Variants in CADM2 observed in about 807,000 individuals in gnomAD.
The protein encoded by CADM2 is cell adhesion molecule 2, also known as immunoglobulin superfamily member 4D.
A neutral mutation model predicts 49.8 loss-of-function variants in CADM2; 12 were observed. That is an observed-to-expected ratio of 0.24 (90% confidence interval 0.15 to 0.39). The LOEUF (loss-of-function observed/expected upper bound fraction) is 0.39, where lower values mean the gene tolerates loss of function less well. Ranked by LOEUF, CADM2 falls within the 10% of genes least tolerant of loss-of-function variation. CADM2 has a pLI of 1.00. For missense variants in CADM2, 378 were observed against 492.3 expected (o/e 0.77, Z 2.20); for synonymous variants, 214 against 175.4 (o/e 1.22, Z -1.74).
intron 1 of CADM2, among the ~76,000 whole-genome samples, chr3:85,222,050 C>A (rs2042056281): frequency 6.6e-6 from 1 of 152,030 alleles, no homozygotes; most frequent in Admixed American, 6.6e-5. Flanking sequence ...GAATAATAGT[C>A]CATGAGATAA....
At chr3:85,975,156 C>T (rs1726620327) in intron 8 of CADM2, among the ~76,000 whole-genome samples, 1 of 151,302 alleles carries the variant, frequency 6.6e-6, no homozygotes, top group African/African-American at 2.4e-5. Flanking sequence ...TGTATGAATT[C>T]ATTTCATATC....
intron 1 of CADM2, among the ~76,000 whole-genome samples, chr3:85,354,624 G>GAGAGAGAGAGAGAGAGAGAGAGAA: frequency 6.7e-6 from 1 of 149,834 alleles, no homozygotes; most frequent in Non-Finnish European, 1.5e-5. Context: ...CTAACAGAGA[G>GAGAGAGAGAGAGAGAGAGAGAGAA]AGAGAGAGAG....
At chr3:85,492,408 A>G (rs1017118985) in intron 1 of CADM2, among the ~76,000 whole-genome samples, 16 of 152,130 alleles carry the variant, frequency 1.1e-4, no homozygotes, top group Non-Finnish European at 2.2e-4. Context: ...CCTACCCAAC[A>G]TGGTGAAACC....
intron 3 of CADM2, among the ~76,000 whole-genome samples, chr3:85,879,034 T>C (rs1354397107): frequency 6.6e-6 from 1 of 150,836 alleles, no homozygotes; most frequent in Non-Finnish European, 1.5e-5. Flanking sequence ...ATTTAGTATA[T>C]ATGTACACAT....
intron 1 of CADM2, among the ~76,000 whole-genome samples, chr3:85,616,802 G>A (rs988937485): frequency 1.3e-5 from 2 of 152,128 alleles, no homozygotes; most frequent in Non-Finnish European, 2.9e-5. Flanking sequence ...GAGGAGTCTT[G>A]ACTATGCCAT....
At chr3:86,013,595 G>A (rs1404317785) in intron 8 of CADM2, 6 of 1,600,498 alleles carry the variant, frequency 3.7e-6, no homozygotes, top group Middle Eastern at 2.3e-4. Context: ...AAACTCTCAG[G>A]GAAGAGAGAG....
chr3:85,658,533 G>A (rs936959152), intron 1 of CADM2, among the ~76,000 whole-genome samples: 1 of 131,890 alleles, frequency 7.6e-6, no homozygotes, highest in African/African-American at 2.8e-5. Flanking sequence ...TATCTTCTAT[G>A]TATCCATCTA....
At chr3:85,970,188 G>A (rs763345175) in intron 8 of CADM2, among the ~76,000 whole-genome samples, 11 of 150,914 alleles carry the variant, frequency 7.3e-5, no homozygotes, top group Non-Finnish European at 1.3e-4. Context: ...AAATAACTGT[G>A]CATAGATTAA....
intron 1 of CADM2, among the ~76,000 whole-genome samples, chr3:85,273,780 A>G (rs1190811588): frequency 6.6e-6 from 1 of 151,436 alleles, no homozygotes. Flanking sequence ...GAAAAGAAGC[A>G]CATTTTGGAG....
At chr3:85,551,058 A>C (rs1403210405) in intron 1 of CADM2, among the ~76,000 whole-genome samples, 3 of 152,128 alleles carry the variant, frequency 2.0e-5, no homozygotes, top group Non-Finnish European at 1.5e-5. Flanking sequence ...ATTTTGGCTC[A>C]CTGAGACCTC....
chr3:85,785,901 A>G (rs1306089489), intron 2 of CADM2, among the ~76,000 whole-genome samples: 1 of 152,156 alleles, frequency 6.6e-6, no homozygotes, highest in Admixed American at 6.6e-5. Flanking sequence ...AGCCTAGTAC[A>G]TAGCAACTTC....
intron 1 of CADM2, among the ~76,000 whole-genome samples, chr3:85,444,599 A>G (rs530872657): frequency 1.1e-4 from 17 of 151,508 alleles, no homozygotes; most frequent in African/African-American, 4.2e-4. Flanking sequence ...TGACCACCTC[A>G]TTTCGTTTTG....
At chr3:84,971,566 A>T (rs1163166108) in intron 1 of CADM2, among the ~76,000 whole-genome samples, 1 of 150,244 alleles carries the variant, frequency 6.7e-6, no homozygotes, top group African/African-American at 2.5e-5. Flanking sequence ...TAAGAACTGC[A>T]TAGTATTATA....
chr3:85,344,872 T>C (rs2030409650), intron 1 of CADM2, among the ~76,000 whole-genome samples: 1 of 152,142 alleles, frequency 6.6e-6, no homozygotes, highest in Non-Finnish European at 1.5e-5. Context: ...CATAATTTTC[T>C]CACCAAAAAT....
chr3:85,201,935 G>A (rs954549923), intron 1 of CADM2, among the ~76,000 whole-genome samples: 5 of 151,676 alleles, frequency 3.3e-5, no homozygotes, highest in Admixed American at 1.3e-4. Flanking sequence ...ACAAAAATTC[G>A]TTGGGCTTGT....
At chr3:85,147,321 A>T (rs2039780216) in intron 1 of CADM2, among the ~76,000 whole-genome samples, 1 of 150,188 alleles carries the variant, frequency 6.7e-6, no homozygotes, top group Non-Finnish European at 1.5e-5. Context: ...CATGAGTAAG[A>T]AGTAGGAAAT....
chr3:85,505,755 C>T (rs2107674873), intron 1 of CADM2, among the ~76,000 whole-genome samples: 1 of 152,228 alleles, frequency 6.6e-6, no homozygotes, highest in South Asian at 2.1e-4. Context: ...ATTAATTGAT[C>T]AAGAGTGTTG....
At chr3:85,282,716 T>A (rs1199705061) in intron 1 of CADM2, among the ~76,000 whole-genome samples, 2 of 152,134 alleles carry the variant, frequency 1.3e-5, no homozygotes, top group Non-Finnish European at 2.9e-5. Context: ...AATGAGAATA[T>A]TTGTTTTTAT....
Position 85,932,704 on chromosome 3 carries a change from T to A in CADM2, c.701-3063T>A, listed in dbSNP as rs573108269. Reference sequence around the variant, plus strand: ...AAGATAATTATTTAAATCTCCATTTTAAAATTATCTTTACATAAATTCTGT... The same window carrying A: ...AAGATAATTATTTAAATCTCCATTTAAAAATTATCTTTACATAAATTCTGT... On this transcript the variant is annotated intron_variant, in intron 6 of 9. Coordinates refer to ENST00000383699, the MANE Select transcript of CADM2 (RefSeq NM_001167675.2). 1.4e-4 allele frequency among the ~76,000 whole-genome samples: 21 copies of A among 152,304 alleles called. No homozygotes were observed. In the Middle Eastern group the frequency reaches 0.01, roughly 74 times the overall value.
Sources: allele counts gnomAD v4.1 joint callset (sites outside exome capture counted in the v4.1 genomes callset), GRCh38; gene constraint gnomAD v4.1.1; transcripts MANE v1.5; gene names NCBI Gene and HGNC (gene_info 2026-07-23, HGNC 2026-07-21).